ADAD1: variants seen among roughly 807,000 people sequenced by gnomAD.
The protein encoded by ADAD1 is adenosine deaminase domain-containing protein 1.
ADAD1 carries 46 observed loss-of-function variants against 66.8 expected under a neutral mutation model. That is an observed-to-expected ratio of 0.69 (90% CI 0.54 to 0.88). The LOEUF (loss-of-function observed/expected upper bound fraction) is 0.88. Among genes scored for constraint, ADAD1 ranks in the 40% least tolerant of loss-of-function variants. ADAD1 has a pLI of 0.00. For synonymous variants in ADAD1, 248 were observed against 229.4 expected, an observed-to-expected ratio of 1.08 and a Z score of -0.73; for missense variants, 617 against 681.8, an observed-to-expected ratio of 0.91 and a Z score of 1.06.
chr4:122,403,716 G>T (rs915025092), intron 7 of ADAD1, among the ~76,000 whole-genome samples: 1 of 152,100 alleles, frequency 6.6e-6, no homozygotes, highest in South Asian at 2.1e-4. Flanking sequence ...AAGTATTCAG[G>T]TTTCTCTGGC....
intron 7 of ADAD1, among the ~76,000 whole-genome samples, chr4:122,402,787 C>T (rs1439948036): frequency 6.6e-6 from 1 of 152,086 alleles, no homozygotes; most frequent in Non-Finnish European, 1.5e-5. Flanking sequence ...TAGTCTATTG[C>T]TGAAACTTTC....
At chr4:122,400,834 C>T (rs1427502292) in intron 7 of ADAD1, among the ~76,000 whole-genome samples, 1 of 151,490 alleles carries the variant, frequency 6.6e-6, no homozygotes, top group African/African-American at 2.4e-5. Flanking sequence ...ATTTCTGTGT[C>T]ATCACTTATC....
At chr4:122,423,136 G>A (rs1441070072) in intron 12 of ADAD1, among the ~76,000 whole-genome samples, 1 of 152,044 alleles carries the variant, frequency 6.6e-6, no homozygotes, top group Non-Finnish European at 1.5e-5. Flanking sequence ...TTGACCCAGT[G>A]AGGCTACCAC....
In ADAD1 at chr4:122,429,617, C is replaced by G. The variant is rs776413106; in HGVS notation, c.1618-9C>G. On this transcript the variant is annotated splice_polypyrimidine_tract_variant and intron_variant, in intron 12 of 12. Transcript: ENST00000296513. ...ATTTTCTATAATTCATTTTTTCTTT[C>G]TTCTCTAGTGTATGTCTGCCTCCTA... is the stretch of plus-strand genomic sequence containing the variant. The G allele has an allele frequency of 6.4e-7, 1 of 1,569,436 alleles. No individual in the cohort carries two copies. The highest frequency in any genetic ancestry group is 8.8e-7 in the Non-Finnish European group (1 of 1,142,304).
In ADAD1 at chr4:122,398,317, GGTGTGTGTGTGT is replaced by G. The variant is rs112075307; in HGVS notation, c.724+1959_724+1970del. 7.7e-3 allele frequency among the ~76,000 whole-genome samples: 1,138 copies of G among 148,674 alleles called. 11 individuals are homozygous for G. Among genetic ancestry groups the G allele is most frequent in the South Asian group, 0.029 (137 of 4,654 alleles). ...CTATCCAGGCTGAGTAGTATTCCAG[GGTGTGTGTGTGT>G]GTGTGTGTGTGTGTGTGTCTGCGCC... On this transcript the variant is annotated intron_variant, in intron 7 of 12. Transcript: ENST00000296513.
chr4:122,393,013 A>T (rs1795526384), intron 5 of ADAD1, among the ~76,000 whole-genome samples: 1 of 148,562 alleles, frequency 6.7e-6, no homozygotes, highest in South Asian at 2.1e-4. Flanking sequence ...TAGCTTCTGC[A>T]GCCTCTTCCT....
rs1223901206 is a variant in ADAD1, at chr4:122,412,751, A to G, written c.1191A>G (p.Val397=). ...TGACCAGATGGGAAGTGCTTGGTGT[A>G]CAGGGAGCATTGCTGAGTCATTTTA... ...DKLTRWEVLG[V]QGALLSHFIQ... is the part of the protein sequence containing the mutation. The change falls in exon 10 of 13, where the codon GTA becomes GTG. Residue 397 remains valine, a synonymous_variant. Coordinates refer to ENST00000296513, the MANE Select transcript of ADAD1 (RefSeq NM_139243.4). The G allele has an allele frequency of 1.2e-6, 2 of 1,613,820 alleles. No individual in the cohort carries two copies. The highest frequency in any genetic ancestry group is 1.7e-6 in the Non-Finnish European group (2 of 1,179,816).
At chr4:122,394,147 G>A (rs778482130) in intron 6 of ADAD1, among the ~76,000 whole-genome samples, 2 of 152,064 alleles carry the variant, frequency 1.3e-5, no homozygotes, top group Non-Finnish European at 2.9e-5. Context: ...AGTCATTACG[G>A]TAATTATCTT....
chr4:122,384,330 A>C (rs1217626853), intron 5 of ADAD1, among the ~76,000 whole-genome samples: 1 of 152,204 alleles, frequency 6.6e-6, no homozygotes, highest in African/African-American at 2.4e-5. Context: ...GTTTATGTTA[A>C]ATTCAGTAAA....
At chr4:122,419,310 T>A (rs1796900787) in intron 11 of ADAD1, among the ~76,000 whole-genome samples, 1 of 152,084 alleles carries the variant, frequency 6.6e-6, no homozygotes, top group Non-Finnish European at 1.5e-5. Context: ...TTCTCTCTTA[T>A]AAGTAGGAGC....
At chr4:122,380,934 T>G in intron 3 of ADAD1, 58 bp from the exon 4 acceptor site, 1 of 1,457,172 alleles carries the variant, frequency 6.9e-7, no homozygotes, top group Non-Finnish European at 9.3e-7. Flanking sequence ...TTATTGCTTT[T>G]GCTCATTTTT....
At chr4:122,398,074 A>G (rs969555734) in intron 7 of ADAD1, among the ~76,000 whole-genome samples, 4 of 151,996 alleles carry the variant, frequency 2.6e-5, no homozygotes, top group African/African-American at 9.7e-5. Context: ...GATTTCTGAG[A>G]TTTTGGTGCA....
chr4:122,428,208 A>T (rs1797346043), intron 12 of ADAD1, among the ~76,000 whole-genome samples: 2 of 152,124 alleles, frequency 1.3e-5, no homozygotes, highest in South Asian at 4.1e-4. Context: ...ACATTATTAA[A>T]TATAAATTAG....
chr4:122,381,289 T>A (rs1484963483), intron 4 of ADAD1, 109 bp downstream of exon 4: 1 of 1,123,818 alleles, frequency 8.9e-7, no homozygotes, highest in African/African-American at 1.6e-5. Context: ...ACTGATTGTA[T>A]GTTTTCACAA....
At chr4:122,411,799 A>C (rs1290677392) in intron 9 of ADAD1, among the ~76,000 whole-genome samples, 1 of 152,198 alleles carries the variant, frequency 6.6e-6, no homozygotes, top group Non-Finnish European at 1.5e-5. Context: ...TTAGATAAGC[A>C]ACACTCAACC....
chr4:122,386,393 G>GT (rs978835985), intron 5 of ADAD1, among the ~76,000 whole-genome samples: 3 of 152,090 alleles, frequency 2.0e-5, no homozygotes, highest in Admixed American at 6.5e-5. Context: ...TGATGGGATT[G>GT]TTTTTTTCTT....
chr4:122,427,691 C>T (rs1024849081), intron 12 of ADAD1, among the ~76,000 whole-genome samples: 1 of 151,716 alleles, frequency 6.6e-6, no homozygotes, highest in Non-Finnish European at 1.5e-5. Context: ...CCCGCCACCA[C>T]GCCCGGCTAA....
At chr4:122,398,261 G>A (rs996795080) in intron 7 of ADAD1, among the ~76,000 whole-genome samples, 2 of 151,360 alleles carry the variant, frequency 1.3e-5, no homozygotes, top group Non-Finnish European at 2.9e-5. Context: ...TCCATTCCTC[G>A]TTACTTCCCT....
chr4:122,408,720 AC>A (rs1316856454), intron 8 of ADAD1, among the ~76,000 whole-genome samples: 1 of 152,132 alleles, frequency 6.6e-6, no homozygotes, highest in Non-Finnish European at 1.5e-5. Context: ...CCTAGTTTCT[AC>A]AAAAAAATAA....
Sources: gnomAD v4.1 joint callset for allele counts (sites outside exome capture counted in the v4.1 genomes callset) on GRCh38, gnomAD v4.1.1 for gene constraint, MANE v1.5 for transcripts, NCBI Gene and HGNC (gene_info 2026-07-23, HGNC 2026-07-21) for gene names.